ATP2B1: variants seen among roughly 807,000 people sequenced by gnomAD.
ATP2B1 encodes the protein plasma membrane calcium-transporting ATPase 1.
ATP2B1 carries 14 observed loss-of-function variants against 124.2 expected under a neutral mutation model. The observed-to-expected ratio is 0.11, with a 90% CI of 0.07 to 0.18. The LOEUF (loss-of-function observed/expected upper bound fraction) is 0.18. ATP2B1 is among the 10% of genes least tolerant of loss of function. The pLI is 1.00. For missense variants in ATP2B1, 763 were observed against 1,466.1 expected, an observed-to-expected ratio of 0.52 and a Z score of 7.83; for synonymous variants, 449 against 492.4, an observed-to-expected ratio of 0.91 and a Z score of 1.17.
intron 15 of ATP2B1, among the ~76,000 whole-genome samples, chr12:89,608,689 T>C (rs1877427575): frequency 6.6e-6 from 1 of 152,190 alleles, no homozygotes; most frequent in South Asian, 2.1e-4. Context: ...TATTTTAAAA[T>C]TCATTTTACA....
intron 5 of ATP2B1, among the ~76,000 whole-genome samples, chr12:89,630,939 T>C (rs1309241729): frequency 6.6e-6 from 1 of 151,742 alleles, no homozygotes; most frequent in Non-Finnish European, 1.5e-5. Context: ...TGCTAATTTT[T>C]TTAAAAAAAT....
chr12:89,664,089 G>A (rs972621829), intron 1 of ATP2B1, among the ~76,000 whole-genome samples: 1 of 152,052 alleles, frequency 6.6e-6, no homozygotes, highest in African/African-American at 2.4e-5. Context: ...CAATTAAAAT[G>A]ATGAAACCAC....
At chr12:89,692,876 A>C (rs1890704130) in intron 1 of ATP2B1, among the ~76,000 whole-genome samples, 1 of 152,200 alleles carries the variant, frequency 6.6e-6, no homozygotes, top group Non-Finnish European at 1.5e-5. Context: ...GAAATATGCC[A>C]TAAGAACTTA....
At chr12:89,608,458 G>A (rs1370753701) in intron 15 of ATP2B1, among the ~76,000 whole-genome samples, 1 of 151,532 alleles carries the variant, frequency 6.6e-6, no homozygotes, top group African/African-American at 2.4e-5. Flanking sequence ...TTACAGGCGT[G>A]AGCCATCATG....
At chr12:89,640,224 TA>T (rs1565857247) in intron 3 of ATP2B1, among the ~76,000 whole-genome samples, 1 of 152,180 alleles carries the variant, frequency 6.6e-6, no homozygotes, top group Non-Finnish European at 1.5e-5. Context: ...CCACCCCCAT[TA>T]TTTTTTTTAA....
intron 1 of ATP2B1, among the ~76,000 whole-genome samples, chr12:89,672,272 T>C (rs1237136624): frequency 1.3e-5 from 2 of 152,242 alleles, no homozygotes; most frequent in East Asian, 1.9e-4. Context: ...CTGGTCAACA[T>C]GGTGAAACCC....
chr12:89,604,243 T>C lies in ATP2B1; in HGVS notation c.2546A>G (p.Tyr849Cys), dbSNP rs1427603330. 2 of 1,614,066 alleles carry C rather than the reference T, an allele frequency of 1.2e-6. No individual in the cohort carries two copies. The highest frequency in any genetic ancestry group is 1.7e-6 in the Non-Finnish European group (2 of 1,179,968). Residue 849 changes from tyrosine to cysteine, a missense_variant, in exon 16 of 21, where the codon TAT becomes TGT. Physicochemically the swap from Tyr to Cys is radical, Grantham distance 194. Around this residue, in one of 7 missense-constraint regions of ATP2B1, gnomAD observed 51 missense variants for 192.8 expected, o/e 0.26. Coordinates refer to ENST00000428670, the MANE Select transcript of ATP2B1 (RefSeq NM_001366521.1). ...CTGAAGGAATTTTGAGATGCTGTCA[T>C]AGACATTTCGTCCCCACATAACTGC... The part of the protein sequence containing the change: ...VKAVMWGRNV[Y>C]DSISKFLQFQ...
intron 1 of ATP2B1, among the ~76,000 whole-genome samples, chr12:89,660,537 T>A (rs1886580892): frequency 6.6e-6 from 1 of 152,220 alleles, no homozygotes; most frequent in Non-Finnish European, 1.5e-5. Context: ...AGCATGTGTG[T>A]TCTCAGGCAG....
intron 2 of ATP2B1, among the ~76,000 whole-genome samples, chr12:89,647,748 G>A (rs536537703): frequency 1.3e-5 from 2 of 152,292 alleles, no homozygotes; most frequent in East Asian, 3.9e-4. Flanking sequence ...GATTACAAAT[G>A]TTGGAGGTGG....
chr12:89,607,188 G>C lies in ATP2B1; in HGVS notation c.2442+2749C>G, dbSNP rs534392145. Among the ~76,000 whole-genome samples, 5 of 152,196 alleles carry C rather than the reference G, an allele frequency of 3.3e-5. No homozygotes were observed. The South Asian group carries it at 1.0e-3, about 32-fold the overall frequency. On this transcript the variant is annotated intron_variant, in intron 15 of 20. Coordinates refer to ENST00000428670, the MANE Select transcript of ATP2B1 (RefSeq NM_001366521.1). ...TGGCAAATGTTCATCTACAGGATAA[G>C]AGAAAAAAAATTCCTTATCATGGCA...
chr12:89,672,211 T>C (rs527434449), intron 1 of ATP2B1, among the ~76,000 whole-genome samples: 1 of 152,184 alleles, frequency 6.6e-6, no homozygotes, highest in Non-Finnish European at 1.5e-5. Flanking sequence ...TCCCAGCACT[T>C]TGGGAGGCTG....
intron 20 of ATP2B1, among the ~76,000 whole-genome samples, chr12:89,591,748 C>G (rs938325788): frequency 5.3e-5 from 8 of 151,780 alleles, no homozygotes; most frequent in African/African-American, 1.5e-4. Context: ...AGGGTGTCAC[C>G]GACCATGAAA....
intron 1 of ATP2B1, among the ~76,000 whole-genome samples, chr12:89,671,222 G>A (rs1403482518): frequency 6.6e-6 from 1 of 152,032 alleles, no homozygotes; most frequent in Non-Finnish European, 1.5e-5. Context: ...TCTGACATTA[G>A]GTAGACTGAA....
At position 89,591,173 on chromosome 12, in the gene ATP2B1, A is replaced by G. The variant is rs373795130; in HGVS notation, c.3474T>C (p.His1158=). ...CATCAGTGTCATCAATAAGGGGGATATGAGGCTCTGAATCTTCTATCCTAA... is the reference window on the plus strand; with the variant it reads ...CATCAGTGTCATCAATAAGGGGGATGTGAGGCTCTGAATCTTCTATCCTAA... ...PEFRIEDSEP[H]IPLIDDTDAE... Residue 1158 remains histidine, a synonymous_variant, in exon 21 of 21, where the codon CAT becomes CAC. Transcript: ENST00000428670. The G allele has an allele frequency of 1.9e-6, 3 of 1,613,236 alleles. No homozygotes were observed. Among genetic ancestry groups the G allele is most frequent in the Non-Finnish European group, 8.5e-7 (1 of 1,179,416 alleles).
rs914739987 is a variant in ATP2B1, at chr12:89,639,521, T to C, written c.406+2637A>G. 9.4e-4 allele frequency among the ~76,000 whole-genome samples: 142 copies of C among 150,854 alleles called. 1 individual carries two copies. The highest frequency in any genetic ancestry group is 3.3e-3 in the African/African-American group (135 of 41,280). On this transcript the variant is annotated intron_variant, in intron 3 of 20. Coordinates refer to ENST00000428670, the MANE Select transcript of ATP2B1 (RefSeq NM_001366521.1). ...TCTGTCTCAATATATATATAGTCTC[T>C]CTCTATATATTTTATATATATATCT...
intron 10 of ATP2B1, 121 bp from the exon 11 acceptor site, chr12:89,620,361 T>G: frequency 8.1e-7 from 1 of 1,240,364 alleles, no homozygotes; most frequent in Admixed American, 2.7e-5. Context: ...AATATCAACA[T>G]TTTAAAGAAG....
At chr12:89,643,061 T>TACACACACACACACAC (rs1277023013) in intron 2 of ATP2B1, among the ~76,000 whole-genome samples, 5 of 98,708 alleles carry the variant, frequency 5.1e-5, no homozygotes, top group African/African-American at 1.5e-4. Context: ...TATATAAAGA[T>TACACACACACACACAC]ACATACACAC....
intron 1 of ATP2B1, among the ~76,000 whole-genome samples, chr12:89,691,245 G>A (rs1890526599): frequency 6.6e-6 from 1 of 152,024 alleles, no homozygotes; most frequent in African/African-American, 2.4e-5. Flanking sequence ...ACTGTTACAT[G>A]CAACATGCTT....
At chr12:89,617,266 T>TA (rs1389653717) in intron 11 of ATP2B1, among the ~76,000 whole-genome samples, 2 of 152,224 alleles carry the variant, frequency 1.3e-5, no homozygotes, top group Non-Finnish European at 2.9e-5. Flanking sequence ...TCAATTACTC[T>TA]AGAACTTCTC....
Sources: gnomAD v4.1 joint callset for allele counts (sites outside exome capture counted in the v4.1 genomes callset) on GRCh38, gnomAD v4.1.1 for gene constraint, gnomAD v4.1.1 regional missense constraint, MANE v1.5 for transcripts, NCBI Gene and HGNC (gene_info 2026-07-23, HGNC 2026-07-21) for gene names.